Variants in COL25A1 observed in about 807,000 individuals in gnomAD.
COL25A1 encodes the protein collagen type XXV alpha 1 chain.
A neutral mutation model predicts 128.4 loss-of-function variants in COL25A1; 103 were observed. That is an observed-to-expected ratio of 0.80 (90% CI 0.68 to 0.94). COL25A1 has a LOEUF of 0.94. Ranked by LOEUF, COL25A1 falls within the 40% of genes least tolerant of loss-of-function variation. COL25A1 has a pLI of 0.00. For synonymous variants in COL25A1, 279 were observed against 277.2 expected (o/e 1.01, Z -0.06); for missense variants, 745 against 840.0 (o/e 0.89, Z 1.40).
chr4:108,846,190 C>G lies in COL25A1; in HGVS notation c.1464G>C (p.Gly488=). The G allele has an allele frequency of 1.2e-6, 2 of 1,612,806 alleles. No individual in the cohort carries two copies. Among genetic ancestry groups the G allele is most frequent in the Non-Finnish European group, 8.5e-7 (1 of 1,178,860 alleles). The change falls in exon 28 of 38, where the codon GGG becomes GGC. Residue 488 remains glycine (G), a synonymous_variant. Transcript: ENST00000399132. ...QGLKGSKGDM[G]DPGMTGEKGG... The stretch of plus-strand genomic sequence containing the variant: ...CTTTTTCACCTGTCATACCTGGGTC[C>G]CCCATGTCTCCCTTTGAGCCTTTGA...
intron 3 of COL25A1, among the ~76,000 whole-genome samples, chr4:109,240,486 A>T (rs1197805925): frequency 6.6e-6 from 1 of 152,064 alleles, no homozygotes; most frequent in South Asian, 2.1e-4. Context: ...CATACTTCTC[A>T]TTAATATATG....
intron 35 of COL25A1, 79 bp from the exon 36 acceptor site, chr4:108,819,408 A>T (rs112656770): frequency 8.4e-7 from 1 of 1,190,014 alleles, no homozygotes; most frequent in Non-Finnish European, 1.2e-6. Context: ...AAGTAACTAC[A>T]ACAACAAAGG....
chr4:109,213,483 C>G (rs146557322), intron 3 of COL25A1, among the ~76,000 whole-genome samples: 1,704 of 152,228 alleles, frequency 0.011, 10 homozygotes, highest in Middle Eastern at 0.037. Flanking sequence ...TCTTGGAAAC[C>G]AGCTGCACGC....
intron 3 of COL25A1, among the ~76,000 whole-genome samples, chr4:109,224,360 G>A (rs1374822617): frequency 1.3e-5 from 2 of 152,106 alleles, no homozygotes; most frequent in Non-Finnish European, 2.9e-5. Context: ...ACACCTGGAG[G>A]TCCTTTAAGT....
chr4:109,173,599 C>T (rs1773795711), intron 3 of COL25A1, among the ~76,000 whole-genome samples: 2 of 151,768 alleles, frequency 1.3e-5, no homozygotes, highest in Non-Finnish European at 2.9e-5. Flanking sequence ...CTATGAGCCA[C>T]CAAATGGCAA....
chr4:109,265,268 A>T (rs1194523167), intron 3 of COL25A1, among the ~76,000 whole-genome samples: 1 of 152,200 alleles, frequency 6.6e-6, no homozygotes, highest in Non-Finnish European at 1.5e-5. Context: ...GAGCTGAAAC[A>T]CTGCACAGTA....
intron 3 of COL25A1, among the ~76,000 whole-genome samples, chr4:109,272,638 G>A (rs539955427): frequency 2.0e-5 from 3 of 152,286 alleles, no homozygotes; most frequent in East Asian, 1.9e-4. Context: ...GGCACTGTGG[G>A]AGTTAGAGAG....
intron 3 of COL25A1, among the ~76,000 whole-genome samples, chr4:109,250,039 T>C (rs1222717163): frequency 6.6e-6 from 1 of 152,158 alleles, no homozygotes; most frequent in East Asian, 1.9e-4. Context: ...CAACCAGTAG[T>C]ACTGGCGGTA....
chr4:108,941,328 TA>T (rs1054304923), intron 9 of COL25A1, 37 bp downstream of exon 9: 2 of 1,541,538 alleles, frequency 1.3e-6, no homozygotes, highest in African/African-American at 2.7e-5. Context: ...ATAACTGATG[TA>T]AAGAAGAAAT....
At chr4:109,199,552 GA>G (rs56935062) in intron 3 of COL25A1, among the ~76,000 whole-genome samples, 174 of 145,806 alleles carry the variant, frequency 1.2e-3, no homozygotes, top group African/African-American at 1.8e-3. Flanking sequence ...TTATTTTCCA[GA>G]AAAAAAAAAC....
At chr4:109,135,668 A>T (rs1309236562) in intron 3 of COL25A1, among the ~76,000 whole-genome samples, 14 of 151,786 alleles carry the variant, frequency 9.2e-5, no homozygotes, top group African/African-American at 3.4e-4. Context: ...TCTTAATCTT[A>T]TTCTCTAAAC....
At chr4:109,294,343 A>AT (rs1244842933) in intron 3 of COL25A1, among the ~76,000 whole-genome samples, 2 of 152,142 alleles carry the variant, frequency 1.3e-5, no homozygotes, top group African/African-American at 2.4e-5. Flanking sequence ...CTCAATTTTA[A>AT]TTTGTAAGTG....
At chr4:109,057,974 C>T (rs188512603) in intron 3 of COL25A1, among the ~76,000 whole-genome samples, 536 of 152,226 alleles carry the variant, frequency 3.5e-3, no homozygotes, top group African/African-American at 8.9e-3. Flanking sequence ...AATGGATTTC[C>T]GAACTGAGTG....
chr4:109,230,310 C>T (rs151087563), intron 3 of COL25A1, among the ~76,000 whole-genome samples: 28 of 152,316 alleles, frequency 1.8e-4, no homozygotes, highest in Non-Finnish European at 2.6e-4. Flanking sequence ...ATACCATCAA[C>T]GGGAAGTCCC....
intron 3 of COL25A1, among the ~76,000 whole-genome samples, chr4:109,198,294 T>TCACACACACA (rs112993547): frequency 0.052 from 7,539 of 143,922 alleles, 305 homozygotes; most frequent in African/African-American, 0.1. Context: ...GCATATTCAT[T>TCACACACACA]CACACACACA....
chr4:109,088,448 T>C (rs751960025), intron 3 of COL25A1, among the ~76,000 whole-genome samples: 3 of 152,186 alleles, frequency 2.0e-5, no homozygotes, highest in African/African-American at 7.2e-5. Context: ...TTGTATAAAT[T>C]TATGGGGTGA....
chr4:109,021,660 T>G, intron 5 of COL25A1: 2 of 438,952 alleles, frequency 4.6e-6, no homozygotes, highest in Non-Finnish European at 9.1e-6. Context: ...AAGAGCCATA[T>G]TTTTCTTCTT....
intron 20 of COL25A1, among the ~76,000 whole-genome samples, chr4:108,868,385 CA>C (rs1738199382): frequency 6.6e-6 from 1 of 151,398 alleles, no homozygotes; most frequent in Admixed American, 6.6e-5. Context: ...CTCTATTAGG[CA>C]AAAATATATG....
intron 6 of COL25A1, among the ~76,000 whole-genome samples, chr4:108,997,675 A>G (rs1235037570): frequency 6.6e-6 from 1 of 152,248 alleles, no homozygotes; most frequent in East Asian, 1.9e-4. Context: ...CAACAAAAAA[A>G]GAGAATTTTA....
Sources: gnomAD v4.1 joint callset for allele counts (sites outside exome capture counted in the v4.1 genomes callset) on GRCh38, gnomAD v4.1.1 for gene constraint, MANE v1.5 for transcripts, NCBI Gene and HGNC (gene_info 2026-07-23, HGNC 2026-07-21) for gene names.